Variants in PPP4R2 observed in about 807,000 individuals in gnomAD.
The protein encoded by PPP4R2 is protein phosphatase 4 regulatory subunit 2.
A neutral mutation model predicts 47.2 loss-of-function variants in PPP4R2; 13 were observed. That is an observed-to-expected ratio of 0.28 (90% CI 0.18 to 0.44). The LOEUF (loss-of-function observed/expected upper bound fraction) is 0.44. PPP4R2 is among the 20% of genes least tolerant of loss of function. The pLI, the probability that PPP4R2 is intolerant of heterozygous loss-of-function variation, is 1.00. For missense variants in PPP4R2, 421 were observed against 491.2 expected, an observed-to-expected ratio of 0.86 and a Z score of 1.35; for synonymous variants, 151 against 163.3, an observed-to-expected ratio of 0.92 and a Z score of 0.57.
At chr3:73,051,577 A>G (rs955284890) in intron 3 of PPP4R2, among the ~76,000 whole-genome samples, 1 of 152,194 alleles carries the variant, frequency 6.6e-6, no homozygotes, top group African/African-American at 2.4e-5. Context: ...CGTAAGAAAG[A>G]TTATCCGCTT....
At position 72,996,865 on chromosome 3, in the gene PPP4R2, G is replaced by C. The variant is rs989038634; in HGVS notation, c.-173G>C. On this transcript the variant is annotated 5_prime_UTR_variant, in exon 1 of 9. Coordinates refer to ENST00000356692, the MANE Select transcript of PPP4R2 (RefSeq NM_174907.4). ...GGCTTGGGGAGGTGCTCGCTCTGTC[G>C]GTCTTGCTCTCTCGCACGCTTCCCC... 1.9e-5 allele frequency: 8 copies of C among 415,134 alleles called. No individual in the cohort carries two copies. The highest frequency in any genetic ancestry group is 1.0e-4 in the African/African-American group (5 of 48,614). The allele number at this position is 415,134 out of a possible 1,614,324, so 25.7% of individuals were successfully genotyped here. A position where few individuals can be genotyped will look rare whatever the true frequency, so the allele number is the denominator to read the frequency against.
At chr3:73,040,231 CAG>C (rs1465970771) in intron 2 of PPP4R2, among the ~76,000 whole-genome samples, 5 of 152,120 alleles carry the variant, frequency 3.3e-5, no homozygotes, top group Non-Finnish European at 5.9e-5. Context: ...AGCATATTGA[CAG>C]AATTTTTGAA....
intron 3 of PPP4R2, among the ~76,000 whole-genome samples, chr3:73,049,274 A>G (rs1286640461): frequency 6.6e-6 from 1 of 151,938 alleles, no homozygotes; most frequent in East Asian, 1.9e-4. Context: ...CGAGGTGGGC[A>G]GATCACTAGG....
At chr3:73,050,493 A>G (rs1323594140) in intron 3 of PPP4R2, among the ~76,000 whole-genome samples, 1 of 152,140 alleles carries the variant, frequency 6.6e-6, no homozygotes, top group Non-Finnish European at 1.5e-5. Context: ...CTAAGAAGTA[A>G]CATTTTGTTG....
At chr3:73,022,674 T>C (rs545959275) in intron 2 of PPP4R2, among the ~76,000 whole-genome samples, 1 of 152,052 alleles carries the variant, frequency 6.6e-6, no homozygotes, top group Non-Finnish European at 1.5e-5. Context: ...TCAATAAATA[T>C]CATCATTATG....
In PPP4R2 at chr3:73,063,697, T is replaced by C. The variant is rs1702922954; in HGVS notation, c.444T>C (p.Asn148=). 1 of 1,596,000 alleles carries C rather than the reference T, an allele frequency of 6.3e-7. No homozygotes were observed. The change falls in exon 6 of 9, where the codon AAT becomes AAC. Residue 148 remains asparagine (N), a synonymous_variant. Transcript: ENST00000356692. The stretch of plus-strand genomic sequence containing the variant: ...GGAAAAACAATTCCAATAGTTTAAA[T>C]CGAATGAATGGTGTTATGTTTCCTG... ...SSEKNNSNSL[N]RMNGVMFPGN...
At chr3:73,042,241 A>G (rs1202927313) in intron 2 of PPP4R2, among the ~76,000 whole-genome samples, 1 of 152,074 alleles carries the variant, frequency 6.6e-6, no homozygotes, top group African/African-American at 2.4e-5. Flanking sequence ...TTGAAAGCCA[A>G]GGGTTTTTTT....
chr3:73,002,799 G>A (rs1390736714), intron 2 of PPP4R2, among the ~76,000 whole-genome samples: 3 of 151,326 alleles, frequency 2.0e-5, no homozygotes, highest in Non-Finnish European at 2.9e-5. Flanking sequence ...GCGCCACCAC[G>A]CCTGGCTAAT....
At chr3:73,021,306 T>G (rs1349186498) in intron 2 of PPP4R2, among the ~76,000 whole-genome samples, 1 of 151,614 alleles carries the variant, frequency 6.6e-6, no homozygotes, top group African/African-American at 2.4e-5. Flanking sequence ...AGATCACTAC[T>G]CACTGTAGCC....
intron 2 of PPP4R2, among the ~76,000 whole-genome samples, chr3:73,043,308 A>ATT (rs61323127): frequency 1.5e-5 from 2 of 132,886 alleles, no homozygotes; most frequent in African/African-American, 5.8e-5. Context: ...GTGAAATTAA[A>ATT]AATTAAAAAT....
chr3:73,013,307 T>A (rs1305640096), intron 2 of PPP4R2, among the ~76,000 whole-genome samples: 1 of 152,210 alleles, frequency 6.6e-6, no homozygotes, highest in East Asian at 1.9e-4. Context: ...TGATATATGC[T>A]TTTTCTATTT....
chr3:73,019,775 C>G (rs1701921973), intron 2 of PPP4R2, among the ~76,000 whole-genome samples: 1 of 150,350 alleles, frequency 6.7e-6, no homozygotes, highest in Non-Finnish European at 1.5e-5. Context: ...GTGAAGTATA[C>G]TTGCTCTCTC....
chr3:73,047,046 A>G (rs1702500551), intron 2 of PPP4R2, 140 bp from the exon 3 acceptor site: 1 of 573,458 alleles, frequency 1.7e-6, no homozygotes, highest in Non-Finnish European at 3.0e-6. Flanking sequence ...TGTGCTCTTC[A>G]ATGACGGCAT....
chr3:73,048,279 G>C (rs1357576843), intron 3 of PPP4R2, among the ~76,000 whole-genome samples: 1 of 152,186 alleles, frequency 6.6e-6, no homozygotes, highest in East Asian at 1.9e-4. Flanking sequence ...TTTTGAGACA[G>C]AGTCTCGCTG....
intron 2 of PPP4R2, 76 bp downstream of exon 2, chr3:72,998,234 ATT>A (rs1191310425): frequency 1.1e-6 from 1 of 876,044 alleles, no homozygotes; most frequent in Non-Finnish European, 1.8e-6. Flanking sequence ...AAAAAAGTAT[ATT>A]TTGGGATAAT....
At chr3:73,023,213 C>T (rs115810733) in intron 2 of PPP4R2, among the ~76,000 whole-genome samples, 3 of 149,070 alleles carry the variant, frequency 2.0e-5, no homozygotes, top group East Asian at 2.0e-4. Flanking sequence ...GATGGAATTT[C>T]GCTCTTGTTG....
intron 1 of PPP4R2, 160 bp downstream of exon 1, chr3:72,997,231 T>A: frequency 2.1e-6 from 1 of 471,998 alleles, no homozygotes; most frequent in Non-Finnish European, 3.6e-6. Context: ...CGGGGAGCCC[T>A]GTGGGCAGCT....
At chr3:73,005,833 C>CGAAAAAAAAAA (rs1553644898) in intron 2 of PPP4R2, among the ~76,000 whole-genome samples, 2 of 121,784 alleles carry the variant, frequency 1.6e-5, no homozygotes, top group Admixed American at 8.4e-5. Context: ...ACTCTGTCTG[C>CGAAAAAAAAAA]AAAAAAAAAA....
chr3:73,042,019 G>T (rs192529454), intron 2 of PPP4R2, among the ~76,000 whole-genome samples: 1 of 152,272 alleles, frequency 6.6e-6, no homozygotes, highest in East Asian at 1.9e-4. Flanking sequence ...TGGGAAAATG[G>T]AAGGGGAGAA....
Sources: gnomAD v4.1 joint callset for allele counts (sites outside exome capture counted in the v4.1 genomes callset) on GRCh38, gnomAD v4.1.1 for gene constraint, MANE v1.5 for transcripts, NCBI Gene and HGNC (gene_info 2026-07-23, HGNC 2026-07-21) for gene names.